Variants in ASIC1 observed in about 807,000 individuals in gnomAD.
The protein encoded by ASIC1 is acid-sensing ion channel 1.
ASIC1 carries 21 observed loss-of-function variants against 63.4 expected under a neutral mutation model. That is an observed-to-expected ratio of 0.33 (90% CI 0.23 to 0.48). ASIC1 has a LOEUF of 0.48. Ranked by LOEUF, ASIC1 falls within the 20% of genes least tolerant of loss-of-function variation. The probability of loss-of-function intolerance (pLI) is 0.99; values close to 1 mark genes in which losing one functional copy is unlikely to be tolerated. For missense variants in ASIC1, 478 were observed against 695.5 expected, an observed-to-expected ratio of 0.69 and a Z score of 3.52; for synonymous variants, 258 against 278.2, an observed-to-expected ratio of 0.93 and a Z score of 0.72.
At position 50,078,508 on chromosome 12, in the gene ASIC1, G is replaced by A. The variant is rs933348367; in HGVS notation, c.925G>A (p.Ala309Thr). The change falls in exon 6 of 12, where the codon GCC becomes ACC. Residue 309 changes from alanine to threonine, a missense_variant. This residue lies in a region of ASIC1 where 290 missense variants were observed against 414.9 expected (regional missense o/e 0.70). Coordinates refer to ENST00000447966, the MANE Select transcript of ASIC1 (RefSeq NM_001095.4). This position sits in a 1 kb window ranked among gnomAD's most constrained non-coding sequence, Gnocchi z 6.0. ...LDFFDSYSIT[A>T]CRIDCETRYL... is the part of the protein sequence containing the mutation. Reference sequence around the variant, plus strand: ...TTTCTTCGACTCCTACAGCATCACTGCCTGCCGCATCGACTGTGAGACGCG... The same window carrying A: ...TTTCTTCGACTCCTACAGCATCACTACCTGCCGCATCGACTGTGAGACGCG... 1 of 1,614,116 alleles carries A rather than the reference G, an allele frequency of 6.2e-7. No individual in the cohort carries two copies. The highest frequency in any genetic ancestry group is 8.5e-7 in the Non-Finnish European group (1 of 1,179,986).
chr12:50,081,895 G>GGCTGCCCCTCTCTCCTCCAT lies in ASIC1; in HGVS notation c.*253_*272dup. 1.9e-6 allele frequency: 1 copy of GGCTGCCCCTCTCTCCTCCAT among 524,610 alleles called. No individual in the cohort carries two copies. The highest frequency in any genetic ancestry group is 3.4e-6 in the Non-Finnish European group (1 of 293,240). 32.5% of individuals were successfully genotyped at this position (524,610 alleles called of 1,614,324 possible). The stretch of plus-strand genomic sequence containing the variant: ...AGGGAGAACGGGGCAAGGGACCTCA[G>GGCTGCCCCTCTCTCCTCCAT]GCTGCCCCTCTCTCCTCCATGCTGC... On this transcript the variant is annotated 3_prime_UTR_variant, in exon 12 of 12. Transcript: ENST00000447966.
intron 3 of ASIC1, chr12:50,073,680 G>A (rs1427424946): frequency 6.5e-7 from 1 of 1,536,482 alleles, no homozygotes; most frequent in South Asian, 1.2e-5. Flanking sequence ...ACCATCAGCA[G>A]CAGCAGGACA....
At chr12:50,061,747 T>C (rs759650206) in intron 3 of ASIC1, among the ~76,000 whole-genome samples, 60 of 152,196 alleles carry the variant, frequency 3.9e-4, no homozygotes, top group Non-Finnish European at 6.9e-4. Context: ...GCTCCATCTG[T>C]CCATCATGTC....
chr12:50,072,182 G>A (rs529926041), intron 3 of ASIC1, among the ~76,000 whole-genome samples: 1 of 152,320 alleles, frequency 6.6e-6, no homozygotes, highest in East Asian at 1.9e-4. Context: ...GGAGAAGAGA[G>A]GAGGAGGAAG....
chr12:50,067,845 T>A (rs1317730342), intron 3 of ASIC1, among the ~76,000 whole-genome samples: 5 of 152,190 alleles, frequency 3.3e-5, no homozygotes, highest in African/African-American at 1.2e-4. Flanking sequence ...TTTAGTGTCA[T>A]CACTACTCAA....
At chr12:50,061,590 G>T (rs1565724743) in intron 3 of ASIC1, among the ~76,000 whole-genome samples, 1 of 152,170 alleles carries the variant, frequency 6.6e-6, no homozygotes, top group Non-Finnish European at 1.5e-5. Context: ...CACACAAGCA[G>T]GAGGGACCCG....
intron 3 of ASIC1, among the ~76,000 whole-genome samples, chr12:50,073,404 G>A (rs1009803607): frequency 5.3e-5 from 8 of 152,148 alleles, no homozygotes; most frequent in Non-Finnish European, 7.4e-5. Flanking sequence ...CCCATGCCCC[G>A]CCCCAGCCAC....
Position 50,069,500 on chromosome 12 carries a change from G to A in ASIC1, c.559-7713G>A, listed in dbSNP as rs1165182303. On this transcript the variant is annotated intron_variant, in intron 3 of 11. Coordinates refer to ENST00000447966, the MANE Select transcript of ASIC1 (RefSeq NM_001095.4). Reference sequence around the variant, plus strand: ...GTAGATAAGGGGTTTCACCATGGTGGCCAGGCTGGTCTTGAACTCCTGGCC... The same window carrying A: ...GTAGATAAGGGGTTTCACCATGGTGACCAGGCTGGTCTTGAACTCCTGGCC... Among the ~76,000 whole-genome samples, 3 of 152,020 alleles carry A rather than the reference G, an allele frequency of 2.0e-5. No individual in the cohort carries two copies. The East Asian group carries it at 5.8e-4, about 29-fold the overall frequency.
intron 3 of ASIC1, chr12:50,073,478 T>C (rs1315081404): frequency 2.0e-5 from 28 of 1,428,044 alleles, no homozygotes; most frequent in Non-Finnish European, 2.4e-5. Flanking sequence ...GCTGACGGGC[T>C]GGGTGGCTGG....
Position 50,059,159 on chromosome 12 carries a change from CT to C in ASIC1, c.362+32del, listed in dbSNP as rs1950476549. 6.2e-7 allele frequency: 1 copy of C among 1,603,842 alleles called. No individual in the cohort carries two copies. ...TGGCTCCCACCCTCCCTCAGCCCTG[CT>C]CCTGGAGTTGCTTGAGTTCCAGTCA... is the stretch of plus-strand genomic sequence containing the variant. On this transcript the variant is annotated intron_variant, in intron 2 of 11. Transcript: ENST00000447966. This position sits in a 1 kb window ranked among gnomAD's most constrained non-coding sequence, Gnocchi z 4.6.
intron 3 of ASIC1, among the ~76,000 whole-genome samples, chr12:50,075,687 G>A (rs1950648792): frequency 1.3e-5 from 2 of 152,292 alleles, no homozygotes; most frequent in Middle Eastern, 6.8e-3. Flanking sequence ...GTAACCTACT[G>A]CCATTGCTGC....
rs773760004 is a variant in ASIC1 at position 50,079,909 on chromosome 12, G to C, written c.1059G>C (p.Leu353=). The stretch of plus-strand genomic sequence containing the variant: ...TCACCTGGCTGAGTGCAGACTTCCT[G>C]GTGGAGAAGGACCAGGAGTACTGCG... ...KECADPALDF[L]VEKDQEYCVC... is the part of the protein sequence containing the mutation. Residue 353 remains leucine (L), a synonymous_variant, in exon 8 of 12, where the codon CTG becomes CTC. Transcript: ENST00000447966. The C allele has an allele frequency of 6.2e-7, 1 of 1,605,612 alleles. No individual in the cohort carries two copies. Among genetic ancestry groups the C allele is most frequent in the Non-Finnish European group, 8.5e-7 (1 of 1,175,694 alleles).
chr12:50,073,996 C>T lies in ASIC1; in HGVS notation c.559-3217C>T, dbSNP rs1320918032. 3.9e-6 allele frequency: 6 copies of T among 1,535,630 alleles called. No individual in the cohort carries two copies. In the East Asian group the frequency reaches 1.5e-4, roughly 38 times the overall value. ...GGAGCTGGCCTTCCCGGCAGTCACC[C>T]TCTGCAACACTAATGCTGTGCGGCT... On this transcript the variant is annotated intron_variant, in intron 3 of 11. Transcript: ENST00000447966.
chr12:50,075,094 A>G (rs759942914), intron 3 of ASIC1, among the ~76,000 whole-genome samples: 1 of 151,804 alleles, frequency 6.6e-6, no homozygotes, highest in African/African-American at 2.4e-5. Flanking sequence ...TTCATCTTCC[A>G]GGTCTGTCTG....
intron 3 of ASIC1, among the ~76,000 whole-genome samples, chr12:50,073,149 C>T (rs954951350): frequency 3.3e-5 from 5 of 152,132 alleles, no homozygotes; most frequent in African/African-American, 9.6e-5. Context: ...CTGTGATCAT[C>T]ATGGCAGTGG....
At chr12:50,072,723 G>T (rs777967540) in intron 3 of ASIC1, among the ~76,000 whole-genome samples, 2 of 152,200 alleles carry the variant, frequency 1.3e-5, no homozygotes, top group Non-Finnish European at 2.9e-5. Context: ...CCTCCCCCTA[G>T]TGCCGGGAAC....
chr12:50,060,027 G>A, intron 3 of ASIC1, 73 bp downstream of exon 3: 2 of 1,542,674 alleles, frequency 1.3e-6, no homozygotes, highest in Non-Finnish European at 1.8e-6. Flanking sequence ...AGCAGGCTGG[G>A]CCTCTCCGGG....
At position 50,080,564 on chromosome 12, in the gene ASIC1, G is replaced by C; in HGVS notation, c.1272G>C (p.Lys424Asn). The change falls in exon 9 of 12, where the codon AAG (lysine) becomes AAC (asparagine). Residue 424 changes from lysine (K) to asparagine (N), a missense_variant. Around this residue, in one of 3 missense-constraint regions of ASIC1, gnomAD observed 84 missense variants for 183.5 expected, o/e 0.46. Transcript: ENST00000447966. The part of the protein sequence containing the change: ...VLNYETIEQK[K>N]AYEIAGLLGD... ...ACTATGAGACCATTGAACAGAAGAAGGCCTATGAGATTGCAGGGCTCCTGG... is the reference window on the plus strand; with the variant it reads ...ACTATGAGACCATTGAACAGAAGAACGCCTATGAGATTGCAGGGCTCCTGG... 6.2e-7 allele frequency: 1 copy of C among 1,614,204 alleles called. No homozygotes were observed. Among genetic ancestry groups the C allele is most frequent in the Non-Finnish European group, 8.5e-7 (1 of 1,180,042 alleles).
chr12:50,077,283 T>G lies in ASIC1; in HGVS notation c.629T>G (p.Met210Arg). Residue 210 changes from methionine to arginine, a missense_variant, in exon 4 of 12, where the codon ATG becomes AGG. Around this residue, in one of 3 missense-constraint regions of ASIC1, gnomAD observed 290 missense variants for 414.9 expected, o/e 0.70. Coordinates refer to ENST00000447966, the MANE Select transcript of ASIC1 (RefSeq NM_001095.4). Reference protein sequence around the residue: ...GRDGRPRLKTMKGGTGNGLEI... With the variant: ...GRDGRPRLKTRKGGTGNGLEI... ...GATGGGCGGCCGCGGCTGAAGACCA[T>G]GAAGGGTGGGACGGGCAATGGGCTG... 6.2e-7 allele frequency: 1 copy of G among 1,614,076 alleles called. No individual in the cohort carries two copies. Among genetic ancestry groups the G allele is most frequent in the Non-Finnish European group, 8.5e-7 (1 of 1,179,998 alleles).
Sources: gnomAD v4.1 joint callset for allele counts (sites outside exome capture counted in the v4.1 genomes callset) on GRCh38, gnomAD v4.1.1 for gene constraint, gnomAD v4.1.1 regional missense constraint, Gnocchi (gnomAD v3.1) non-coding constraint, MANE v1.5 for transcripts, NCBI Gene and HGNC (gene_info 2026-07-23, HGNC 2026-07-21) for gene names.